Variants in PKHD1L1 observed in about 807,000 individuals in gnomAD.
PKHD1L1 encodes fibrocystin-L.
In PKHD1L1, 434 loss-of-function variants were observed where a neutral mutation model predicts 462.9. That is an observed-to-expected ratio of 0.94 (90% CI 0.87 to 1.02). PKHD1L1 has a LOEUF of 1.02. Among genes scored for constraint, PKHD1L1 ranks in the 50% least tolerant of loss-of-function variants. PKHD1L1 has a pLI of 0.00. For missense variants in PKHD1L1, 5,202 were observed against 5,096.1 expected, an observed-to-expected ratio of 1.02 and a Z score of -0.63; for synonymous variants, 1,781 against 1,750.0, an observed-to-expected ratio of 1.02 and a Z score of -0.44.
chr8:109,434,546 G>A (rs376084175), intron 28 of PKHD1L1, among the ~76,000 whole-genome samples: 1 of 151,990 alleles, frequency 6.6e-6, no homozygotes, highest in Non-Finnish European at 1.5e-5. Flanking sequence ...TCAGCTCACT[G>A]CAACCTCTGC....
At chr8:109,367,954 G>A (rs1394384901) in intron 2 of PKHD1L1, among the ~76,000 whole-genome samples, 2 of 152,100 alleles carry the variant, frequency 1.3e-5, no homozygotes, top group Non-Finnish European at 2.9e-5. Context: ...ATAGATACAT[G>A]ATTTTACTCT....
intron 67 of PKHD1L1, among the ~76,000 whole-genome samples, chr8:109,499,539 T>C (rs1309192438): frequency 2.6e-5 from 4 of 152,258 alleles, no homozygotes; most frequent in Non-Finnish European, 4.4e-5. Flanking sequence ...TGAACATATA[T>C]GGCTTTTAAT....
chr8:109,498,702 A>G lies in PKHD1L1; in HGVS notation c.10759A>G (p.Met3587Val). The G allele has an allele frequency of 1.2e-6, 2 of 1,613,984 alleles. No individual in the cohort carries two copies. Among genetic ancestry groups the G allele is most frequent in the Non-Finnish European group, 1.7e-6 (2 of 1,179,878 alleles). The stretch of plus-strand genomic sequence containing the variant: ...GCCTACCTTTGCTTCAGCTCATAAC[A>G]TGGCACCCCGAAAGCCCCATGCAGG... ...CWPTFASAHN[M>V]APRKPHAGIM... is the part of the protein sequence containing the mutation. The change falls in exon 67 of 78, where the codon ATG becomes GTG. Residue 3587 changes from methionine (M) to valine (V), a missense_variant. Physicochemically the swap from Met to Val is conservative, Grantham distance 21 (BLOSUM62 1). Transcript: ENST00000378402.
Position 109,464,434 on chromosome 8 carries a change from T to C in PKHD1L1, c.7602T>C (p.His2534=). Residue 2534 remains histidine, a synonymous_variant, in exon 49 of 78, where the codon CAT becomes CAC. Coordinates refer to ENST00000378402, the MANE Select transcript of PKHD1L1 (RefSeq NM_177531.6). ...GAFFIEDGIE[H]GNILQYNLAV... is the part of the protein sequence containing the mutation. Reference sequence around the variant, plus strand: ...TTTTTATAGAAGATGGTATTGAACATGGCAATATCCTCCAGTATAACTTGG... The same window carrying C: ...TTTTTATAGAAGATGGTATTGAACACGGCAATATCCTCCAGTATAACTTGG... 1 of 1,613,646 alleles carries C rather than the reference T, an allele frequency of 6.2e-7. No homozygotes were observed. The highest frequency in any genetic ancestry group is 8.5e-7 in the Non-Finnish European group (1 of 1,179,704).
chr8:109,462,254 C>T (rs141637306), intron 48 of PKHD1L1, among the ~76,000 whole-genome samples: 326 of 152,284 alleles, frequency 2.1e-3, no homozygotes, highest in African/African-American at 7.3e-3. Context: ...CCTGCTCCCA[C>T]GTTGCTCTAA....
At position 109,452,246 on chromosome 8, in the gene PKHD1L1, G is replaced by A; in HGVS notation, c.6473G>A (p.Cys2158Tyr). 6.2e-7 allele frequency: 1 copy of A among 1,610,716 alleles called. No homozygotes were observed. ...ACTCTATCAGGGTGGGCTCCAGTTT[G>A]TGTCCACATCAGAGGTGTCGGCATG... ...AHTLSGWAPV[C>Y]VHIRGVGMAK... The change falls in exon 42 of 78, where the codon TGT (cysteine) becomes TAT (tyrosine). Residue 2158 changes from cysteine to tyrosine, a missense_variant. By Grantham distance (194) the Cys-to-Tyr change is radical. This residue lies in a region of PKHD1L1 where 4,497 missense variants were observed against 4,336.8 expected (regional missense o/e 1.04). Coordinates refer to ENST00000378402, the MANE Select transcript of PKHD1L1 (RefSeq NM_177531.6).
At chr8:109,521,927 G>C (rs537759808) in intron 73 of PKHD1L1, among the ~76,000 whole-genome samples, 62 of 152,186 alleles carry the variant, frequency 4.1e-4, no homozygotes, top group African/African-American at 1.2e-3. Context: ...CTCCCACTAT[G>C]TTTTCATTCG....
chr8:109,471,266 C>T (rs1185935803), intron 50 of PKHD1L1: 3 of 486,134 alleles, frequency 6.2e-6, no homozygotes, highest in Middle Eastern at 5.6e-4. Context: ...TCCAGACTTT[C>T]TTTTTCTACA....
Position 109,408,172 on chromosome 8 carries a change from CTA to C in PKHD1L1, c.1938_1939del (p.Lys647AlafsTer10). 1 of 1,612,900 alleles carries C rather than the reference CTA, an allele frequency of 6.2e-7. No homozygotes were observed. The highest frequency in any genetic ancestry group is 8.5e-7 in the Non-Finnish European group (1 of 1,179,226). On this transcript the variant is annotated frameshift_variant, in exon 18 of 78. Coordinates refer to ENST00000378402, the MANE Select transcript of PKHD1L1 (RefSeq NM_177531.6). LOFTEE classifies it high-confidence loss of function. ...ACACTGAATTGGGATGGGATCGCTT[CTA>C]AGCCACTCACTCTATGGTCATCAGA...
chr8:109,411,946 C>G (rs980415655), intron 19 of PKHD1L1, among the ~76,000 whole-genome samples: 2 of 151,904 alleles, frequency 1.3e-5, no homozygotes, highest in Non-Finnish European at 2.9e-5. Context: ...ACAGCAAACA[C>G]GCAAACAAGC....
chr8:109,508,049 CAA>C (rs1365485712), intron 69 of PKHD1L1, 46 bp from the exon 70 acceptor site: 1 of 1,532,688 alleles, frequency 6.5e-7, no homozygotes, highest in Non-Finnish European at 8.8e-7. Flanking sequence ...GATTTTTTTG[CAA>C]AGAGATTCTG....
intron 67 of PKHD1L1, among the ~76,000 whole-genome samples, chr8:109,503,792 A>G (rs1819555527): frequency 6.6e-6 from 1 of 152,146 alleles, no homozygotes; most frequent in Non-Finnish European, 1.5e-5. Context: ...GTTCAGCTGG[A>G]TGGTTTTTCT....
At chr8:109,522,100 C>T in intron 73 of PKHD1L1, 86 bp from the exon 74 acceptor site, 2 of 1,320,998 alleles carry the variant, frequency 1.5e-6, no homozygotes, top group Non-Finnish European at 2.1e-6. Flanking sequence ...TGGAGCAATG[C>T]AAAGAATGCT....
rs1820618461 is a variant in PKHD1L1 at position 109,522,816 on chromosome 8, A to AGG, written c.12256_12257insGG (p.Ile4086ArgfsTer20). 7 of 1,612,296 alleles carry AGG rather than the reference A, an allele frequency of 4.3e-6. No homozygotes were observed. In the South Asian group the frequency reaches 7.7e-5, roughly 18 times the overall value. ...GGCCTTCGTGTCCTCACTCTTAGTG[A>AGG]TCACTCAGCCGGTGGCAGCACAGCC... On this transcript the variant is annotated frameshift_variant, in exon 75 of 78. Coordinates refer to ENST00000378402, the MANE Select transcript of PKHD1L1 (RefSeq NM_177531.6). LOFTEE classifies it high-confidence loss of function.
In PKHD1L1 at chr8:109,522,349, C is replaced by A; in HGVS notation, c.12183+12C>A. On this transcript the variant is annotated intron_variant, in intron 74 of 77. Coordinates refer to ENST00000378402, the MANE Select transcript of PKHD1L1 (RefSeq NM_177531.6). ...CTGGGTGGATTAAGGTAAGAAAATGCAACTAGAAAAAATGCATTTTTTGGG... is the reference window on the plus strand; with the variant it reads ...CTGGGTGGATTAAGGTAAGAAAATGAAACTAGAAAAAATGCATTTTTTGGG... The A allele has an allele frequency of 6.6e-7, 1 of 1,522,126 alleles. No homozygotes were observed. The highest frequency in any genetic ancestry group is 2.3e-5 in the Admixed American group (1 of 42,580). The allele number at this position is 1,522,126 out of a possible 1,614,324, so 94.3% of individuals were successfully genotyped here.
At chr8:109,515,629 A>C (rs375790636) in intron 72 of PKHD1L1, among the ~76,000 whole-genome samples, 1 of 152,148 alleles carries the variant, frequency 6.6e-6, no homozygotes, top group Non-Finnish European at 1.5e-5. Flanking sequence ...ATTTTGCTTA[A>C]AAGTTTCACC....
intron 21 of PKHD1L1, among the ~76,000 whole-genome samples, chr8:109,414,233 C>A (rs1814010919): frequency 6.6e-6 from 1 of 152,122 alleles, no homozygotes. Context: ...TACACAGAGA[C>A]ACATACCTTT....
At chr8:109,529,976 T>A in intron 77 of PKHD1L1, 104 bp from the exon 78 acceptor site, 3 of 684,834 alleles carry the variant, frequency 4.4e-6, no homozygotes, top group Non-Finnish European at 6.4e-6. Flanking sequence ...TACTGCTAAC[T>A]GTACCATAAA....
In PKHD1L1 at chr8:109,510,843, T is replaced by C. The variant is rs375334767; in HGVS notation, c.11462T>C (p.Ile3821Thr). 6.5e-4 allele frequency: 1,056 copies of C among 1,613,354 alleles called. 16 individuals carry two copies. The South Asian group carries it at 9.8e-3, about 15-fold the overall frequency. ...CQRRLSLFHS[I>T]VALNKSYEVY... Reference sequence around the variant, plus strand: ...AGAAGGCTGTCCCTGTTTCACAGCATTGTGGCTCTGAACAAATCTTATGAA... The same window carrying C: ...AGAAGGCTGTCCCTGTTTCACAGCACTGTGGCTCTGAACAAATCTTATGAA... The change falls in exon 71 of 78, where the codon ATT (isoleucine) becomes ACT (threonine). Residue 3821 changes from isoleucine to threonine, a missense_variant. By Grantham distance (89) the Ile-to-Thr change is moderately conservative (BLOSUM62 -1). This residue lies in a region of PKHD1L1 where 698 missense variants were observed against 736.3 expected (regional missense o/e 0.95). Coordinates refer to ENST00000378402, the MANE Select transcript of PKHD1L1 (RefSeq NM_177531.6).
Sources: allele counts gnomAD v4.1 joint callset (sites outside exome capture counted in the v4.1 genomes callset), GRCh38; gene constraint gnomAD v4.1.1; regional missense constraint gnomAD v4.1.1; transcripts MANE v1.5; gene names NCBI Gene and HGNC (gene_info 2026-07-23, HGNC 2026-07-21).